MPDZ: variants seen among roughly 807,000 people sequenced by gnomAD.
MPDZ encodes the protein multiple PDZ domain crumbs cell polarity complex component, also known as multiple PDZ domain protein.
A neutral mutation model predicts 239.1 loss-of-function variants in MPDZ; 234 were observed. The observed-to-expected ratio is 0.98, with a 90% confidence interval of 0.88 to 1.09. The LOEUF is 1.09. Ranked by LOEUF, MPDZ falls within the 50% of genes least tolerant of loss-of-function variation. The probability of loss-of-function intolerance (pLI) is 0.00; values close to 1 mark genes in which losing one functional copy is unlikely to be tolerated. For synonymous variants in MPDZ, 1,048 were observed against 881.3 expected (o/e 1.19, Z -3.35); for missense variants, 3,175 against 2,510.0 (o/e 1.26, Z -5.66).
At chr9:13,140,256 T>C in intron 27 of MPDZ, 107 bp from the exon 28 acceptor site, 1 of 1,059,698 alleles carries the variant, frequency 9.4e-7, no homozygotes, top group South Asian at 1.8e-5. Flanking sequence ...CTTTAAAATA[T>C]CTAACAAATA....
At chr9:13,130,953 G>C (rs1258130797) in intron 32 of MPDZ, among the ~76,000 whole-genome samples, 1 of 152,180 alleles carries the variant, frequency 6.6e-6, no homozygotes, top group Non-Finnish European at 1.5e-5. Context: ...TTCAATTCCA[G>C]CTCTACTATT....
chr9:13,186,969 C>T (rs765911061), intron 17 of MPDZ, among the ~76,000 whole-genome samples: 15 of 152,150 alleles, frequency 9.9e-5, no homozygotes, highest in South Asian at 2.1e-4. Context: ...TCTACATATC[C>T]ACAGTCTGCT....
intron 19 of MPDZ, among the ~76,000 whole-genome samples, chr9:13,183,088 G>GT (rs1457786014): frequency 1.3e-5 from 2 of 152,064 alleles, no homozygotes; most frequent in African/African-American, 2.4e-5. Flanking sequence ...AGTTATTCTT[G>GT]TAATTTTTCC....
intron 32 of MPDZ, among the ~76,000 whole-genome samples, chr9:13,131,615 C>G (rs1946010050): frequency 6.6e-6 from 1 of 152,130 alleles, no homozygotes; most frequent in Non-Finnish European, 1.5e-5. Flanking sequence ...TTTACCTAAC[C>G]TCTCCACTGA....
intron 2 of MPDZ, 142 bp from the exon 3 acceptor site, chr9:13,247,943 T>G (rs1966852391): frequency 2.5e-6 from 2 of 811,490 alleles, no homozygotes; most frequent in Admixed American, 2.5e-5. Context: ...AAAAAAACAG[T>G]AGGCCGGACC....
intron 21 of MPDZ, among the ~76,000 whole-genome samples, chr9:13,174,430 C>T (rs1239438789): frequency 6.6e-6 from 1 of 152,068 alleles, no homozygotes; most frequent in East Asian, 1.9e-4. Context: ...TCTGCCTTAT[C>T]AATTATTCAA....
rs778804936 is a variant in MPDZ at position 13,176,432 on chromosome 9, A to T, written c.2650-15T>A. The T allele has an allele frequency of 2.6e-6, 4 of 1,514,182 alleles. No homozygotes were observed. The East Asian group carries it at 9.3e-5, about 35-fold the overall frequency. The allele number at this position is 1,514,182 out of a possible 1,614,324, so 93.8% of individuals were successfully genotyped here. A position where few individuals can be genotyped will look rare whatever the true frequency, so the allele number is the denominator to read the frequency against. ...TCAATAACATCCTGGTAGTTAAAAA[A>T]CAACAACAACAAAACATGAAAAATG... is the stretch of plus-strand genomic sequence containing the variant. On this transcript the variant is annotated splice_polypyrimidine_tract_variant and intron_variant, in intron 19 of 46. Transcript: ENST00000319217.
chr9:13,212,619 G>T (rs1957755704), intron 10 of MPDZ, among the ~76,000 whole-genome samples: 1 of 151,520 alleles, frequency 6.6e-6, no homozygotes, highest in South Asian at 2.1e-4. Context: ...CCACAGAGAA[G>T]AGTGCAGTAG....
chr9:13,231,459 T>C lies in MPDZ; in HGVS notation c.184-6876A>G, dbSNP rs561880394. Among the ~76,000 whole-genome samples, 15 of 152,164 alleles carry C rather than the reference T, an allele frequency of 9.9e-5. No individual in the cohort carries two copies. In the East Asian group the frequency reaches 2.9e-3, roughly 29 times the overall value. On this transcript the variant is annotated intron_variant, in intron 3 of 46. Transcript: ENST00000319217. ...GTACGCACCCATAATCTCAGCTACT[T>C]GGGAGGTTGAAGCACGAGAATCACT...
At chr9:13,205,872 A>T (rs1956926972) in intron 11 of MPDZ, 44 bp downstream of exon 11, 2 of 1,459,030 alleles carry the variant, frequency 1.4e-6, no homozygotes, top group Non-Finnish European at 1.8e-6. Flanking sequence ...AAAATTGGAG[A>T]CAATATAAAG....
At chr9:13,132,288 C>T (rs1476064519) in intron 32 of MPDZ, among the ~76,000 whole-genome samples, 2 of 152,140 alleles carry the variant, frequency 1.3e-5, no homozygotes, top group Non-Finnish European at 1.5e-5. Flanking sequence ...TAGGCAGCAC[C>T]ATTTACAGAA....
intron 1 of MPDZ, among the ~76,000 whole-genome samples, chr9:13,252,497 C>T (rs746134763): frequency 1.4e-5 from 2 of 145,066 alleles, no homozygotes; most frequent in African/African-American, 2.6e-5. Flanking sequence ...ACCAGGGAGG[C>T]GGAGGTTGCA....
chr9:13,200,964 T>C (rs1407945710), intron 12 of MPDZ, among the ~76,000 whole-genome samples: 4 of 152,126 alleles, frequency 2.6e-5, no homozygotes, highest in African/African-American at 9.7e-5. Context: ...TGTTTTACTG[T>C]TGATTTTCTG....
chr9:13,271,815 C>T (rs1973041364), intron 1 of MPDZ, among the ~76,000 whole-genome samples: 1 of 152,128 alleles, frequency 6.6e-6, no homozygotes, highest in African/African-American at 2.4e-5. Context: ...TCAGCAATGA[C>T]CAGTACTGAA....
intron 8 of MPDZ, among the ~76,000 whole-genome samples, chr9:13,218,674 T>G (rs1958672339): frequency 6.6e-6 from 1 of 151,952 alleles, no homozygotes; most frequent in African/African-American, 2.4e-5. Context: ...TTGTAGCAAC[T>G]GCTTAGAAAA....
chr9:13,265,839 A>G (rs1287505224), intron 1 of MPDZ, among the ~76,000 whole-genome samples: 1 of 152,152 alleles, frequency 6.6e-6, no homozygotes, highest in African/African-American at 2.4e-5. Context: ...GATGGAGACG[A>G]TATTTCCAAT....
rs1049426930 is a variant in MPDZ, at chr9:13,219,688, T to G, written c.957A>C (p.Ala319=). The change falls in exon 8 of 47, where the codon GCA becomes GCC. Residue 319 remains alanine, a synonymous_variant. Coordinates refer to ENST00000319217, the MANE Select transcript of MPDZ (RefSeq NM_001378778.1). ...TATTTCCACATTGCCTAAGGACTTG[T>G]GCTACTTGCTCACTGCTCATTCCTG... ...DLAGMSSEQV[A]QVLRQCGNRV... 2 of 1,612,850 alleles carry G rather than the reference T, an allele frequency of 1.2e-6. No individual in the cohort carries two copies. The highest frequency in any genetic ancestry group is 4.5e-5 in the East Asian group (2 of 44,798).
intron 26 of MPDZ, among the ~76,000 whole-genome samples, chr9:13,147,250 T>C (rs889572322): frequency 2.6e-5 from 4 of 152,072 alleles, no homozygotes; most frequent in African/African-American, 9.7e-5. Flanking sequence ...TTCCTTTTAA[T>C]AACTTGTGTA....
intron 24 of MPDZ, among the ~76,000 whole-genome samples, chr9:13,153,692 G>T (rs1279991588): frequency 6.6e-6 from 1 of 152,190 alleles, no homozygotes. Context: ...GAGTTAGTAA[G>T]TTTAGCCATT....
Sources: gnomAD v4.1 joint callset for allele counts (sites outside exome capture counted in the v4.1 genomes callset) on GRCh38, gnomAD v4.1.1 for gene constraint, MANE v1.5 for transcripts, NCBI Gene and HGNC (gene_info 2026-07-23, HGNC 2026-07-21) for gene names.